Variants in PWWP3A observed in about 807,000 individuals in gnomAD.
PWWP3A encodes the protein PWWP domain-containing DNA repair factor 3A.
Under a neutral mutation model 79.0 loss-of-function variants are expected in PWWP3A, and 53 were observed. The ratio of observed to expected loss-of-function variants is 0.67; its 90% CI spans 0.54 to 0.84. The LOEUF (loss-of-function observed/expected upper bound fraction) is 0.84, where lower values mean the gene tolerates loss of function less well. Among genes scored for constraint, PWWP3A ranks in the 40% least tolerant of loss-of-function variants. The pLI is 0.00. For synonymous variants in PWWP3A, 443 were observed against 394.4 expected, an observed-to-expected ratio of 1.12 and a Z score of -1.46; for missense variants, 973 against 948.0, an observed-to-expected ratio of 1.03 and a Z score of -0.35.
chr19:1,362,028 T>C (rs753292461), intron 5 of PWWP3A: 4 of 381,712 alleles, frequency 1.0e-5, no homozygotes, highest in African/African-American at 4.1e-5. Flanking sequence ...CGCAGGCCTC[T>C]CTCCCTCCCT....
chr19:1,357,078 C>G lies in PWWP3A; in HGVS notation c.127C>G (p.Leu43Val). ...GGAATATTTTCTAGCTGTGCAAATC[C>G]TCTCTCTAGAGGAAAAGTTAAGTGT... ...RKEYFLAVQI[L>V]SLEEKIKVKS... Residue 43 changes from leucine (L) to valine (V), a missense_variant, in exon 3 of 14, where the codon CTC becomes GTC. Leu to Val is a conservative substitution (Grantham distance 32, BLOSUM62 1). Transcript: ENST00000591337. The G allele has an allele frequency of 1.2e-6, 2 of 1,611,546 alleles. No individual in the cohort carries two copies. The highest frequency in any genetic ancestry group is 3.3e-4 in the Middle Eastern group (2 of 6,054).
At chr19:1,373,588 C>T (rs78471482) in intron 13 of PWWP3A, 2,221 of 174,092 alleles carry the variant, frequency 0.013, 41 homozygotes, top group African/African-American at 0.042. Context: ...CTCTCACATC[C>T]GTGTGCTTAG....
Position 1,360,680 on chromosome 19 carries a change from G to A in PWWP3A, c.759G>A (p.Pro253=), listed in dbSNP as rs763423197. 1.2e-5 allele frequency: 19 copies of A among 1,613,304 alleles called. No individual in the cohort carries two copies. The South Asian group carries it at 1.3e-4, about 11-fold the overall frequency. Residue 253 remains proline (P), a synonymous_variant, in exon 5 of 14, where the codon CCG becomes CCA. Coordinates refer to ENST00000591337, the MANE Select transcript of PWWP3A (RefSeq NM_001369789.1). The surrounding 1 kb of genome is among the most constrained non-coding windows in gnomAD (Gnocchi z 4.4). Reference sequence around the variant, plus strand: ...GCAAAGGAGGCAGCTGGGCAGCCCCGTCCTTGCCCTCCGGGGTCAGGGAGG... The same window carrying A: ...GCAAAGGAGGCAGCTGGGCAGCCCCATCCTTGCCCTCCGGGGTCAGGGAGG... ...MGSKGGSWAA[P]SLPSGVREDD... is the part of the protein sequence containing the mutation.
intron 9 of PWWP3A, among the ~76,000 whole-genome samples, chr19:1,367,474 G>C (rs762904764): frequency 2.0e-5 from 3 of 152,204 alleles, no homozygotes; most frequent in Non-Finnish European, 4.4e-5. Context: ...CTGGGGCTCC[G>C]GCGAGGACAG....
At chr19:1,356,488 G>T in intron 2 of PWWP3A, 39 bp downstream of exon 2, 2 of 1,599,810 alleles carry the variant, frequency 1.3e-6, no homozygotes, top group South Asian at 2.2e-5. Flanking sequence ...ACTTAGAAAT[G>T]ACTTTCGGGT....
Position 1,364,593 on chromosome 19 carries a change from C to T in PWWP3A, c.1284+14C>T, listed in dbSNP as rs201308485. 1 of 1,572,498 alleles carries T rather than the reference C, an allele frequency of 6.4e-7. No individual in the cohort carries two copies. Among genetic ancestry groups the T allele is most frequent in the Middle Eastern group, 1.8e-4 (1 of 5,622 alleles). ...TGGCCAGCAGTGGTAAGAACAGCTTCCTCCGTCTTCTCAGATGTAGTTACT... is the reference window on the plus strand; with the variant it reads ...TGGCCAGCAGTGGTAAGAACAGCTTTCTCCGTCTTCTCAGATGTAGTTACT... On this transcript the variant is annotated intron_variant, in intron 7 of 13. Transcript: ENST00000591337.
chr19:1,368,846 C>T lies in PWWP3A; in HGVS notation c.1423-419C>T, dbSNP rs953075449. ...ATGCGTTCAGACCAGCCCAAGCCTT[C>T]GGGTCCCCGGTGCCCACCTGCGTTC... On this transcript the variant is annotated intron_variant, in intron 9 of 13. Coordinates refer to ENST00000591337, the MANE Select transcript of PWWP3A (RefSeq NM_001369789.1). The surrounding 1 kb of genome is among the most constrained non-coding windows in gnomAD (Gnocchi z 4.7). 1.4e-5 allele frequency among the ~76,000 whole-genome samples: 2 copies of T among 145,684 alleles called. No homozygotes were observed. The highest frequency in any genetic ancestry group is 1.5e-5 in the Non-Finnish European group (1 of 66,632).
rs773933247 is a variant in PWWP3A at position 1,370,776 on chromosome 19, G to T, written c.1684G>T (p.Asp562Tyr). 3 of 1,530,708 alleles carry T rather than the reference G, an allele frequency of 2.0e-6. No homozygotes were observed. The highest frequency in any genetic ancestry group is 2.0e-5 in the Admixed American group (1 of 49,214). 94.8% of individuals were successfully genotyped at this position (1,530,708 alleles called of 1,614,324 possible). Residue 562 changes from aspartate (D) to tyrosine (Y), a missense_variant, in exon 12 of 14, where the codon GAC (aspartate) becomes TAC (tyrosine). Asp to Tyr is a radical substitution (Grantham distance 160, BLOSUM62 -3). Transcript: ENST00000591337. ...GCAGCCCTGCCGGAAAATGCTCCCC[G>T]ACCGCTCGCGGGCCGCCCGGGACCG... Reference protein sequence around the residue: ...QRQPCRKMLPDRSRAARDRAN... With the variant: ...QRQPCRKMLPYRSRAARDRAN...
rs1181101525 is a variant in PWWP3A, at chr19:1,355,092, T to C, written c.-113T>C. 3.3e-5 allele frequency: 5 copies of C among 151,898 alleles called. No individual in the cohort carries two copies. Among genetic ancestry groups the C allele is most frequent in the Non-Finnish European group, 7.4e-5 (5 of 67,638 alleles). 9.4% of individuals were successfully genotyped at this position (151,898 alleles called of 1,614,324 possible). ...CGCTGTTGCGGCCGCTGCGGCCTCCTTGCCCGGGCTTGGGGCGCCGCGCTG... is the reference window on the plus strand; with the variant it reads ...CGCTGTTGCGGCCGCTGCGGCCTCCCTGCCCGGGCTTGGGGCGCCGCGCTG... On this transcript the variant is annotated 5_prime_UTR_variant, in exon 1 of 14. Coordinates refer to ENST00000591337, the MANE Select transcript of PWWP3A (RefSeq NM_001369789.1).
At chr19:1,358,523 G>T in intron 4 of PWWP3A, 59 bp downstream of exon 4, 1 of 1,606,816 alleles carries the variant, frequency 6.2e-7, no homozygotes. Context: ...TCATTTGGGA[G>T]AATGTGAAGG....
In PWWP3A at chr19:1,356,147, G is replaced by A; in HGVS notation, c.-69-177G>A. The stretch of plus-strand genomic sequence containing the variant: ...ATGCAGGCGCCTCCCTGGATACCGA[G>A]CCCCGTCGTTTCTGTTTGTCAGTCT... On this transcript the variant is annotated intron_variant, in intron 1 of 13. Transcript: ENST00000591337. 5.4e-6 allele frequency: 3 copies of A among 555,638 alleles called. No individual in the cohort carries two copies. The South Asian group carries it at 6.2e-5, about 11-fold the overall frequency. The allele number at this position is 555,638 out of a possible 1,614,324, so 34.4% of individuals were successfully genotyped here. A position where few individuals can be genotyped will look rare whatever the true frequency, so the allele number is the denominator to read the frequency against.
At chr19:1,361,274 G>A (rs999268526) in intron 5 of PWWP3A, among the ~76,000 whole-genome samples, 1 of 152,228 alleles carries the variant, frequency 6.6e-6, no homozygotes, top group African/African-American at 2.4e-5. Context: ...TTGAGTGAGT[G>A]GGGAGCCCGT....
At position 1,374,315 on chromosome 19, in the gene PWWP3A, C is replaced by T. The variant is rs867679914; in HGVS notation, c.2075+1155C>T. 8.7e-4 allele frequency: 133 copies of T among 152,198 alleles called. 1 individual carries two copies. Among genetic ancestry groups the T allele is most frequent in the African/African-American group, 3.1e-3 (129 of 41,424 alleles). 9.4% of individuals were successfully genotyped at this position (152,198 alleles called of 1,614,324 possible). ...GGTGCTGATGGAGAAGTTACTTGGG[C>T]TGAGCACACAGGCCGTGATTTCATC... is the stretch of plus-strand genomic sequence containing the variant. On this transcript the variant is annotated intron_variant, in intron 13 of 13. Transcript: ENST00000591337.
At chr19:1,364,454 T>C (rs1007819619) in intron 6 of PWWP3A, 55 bp from the exon 7 acceptor site, 22 of 1,368,044 alleles carry the variant, frequency 1.6e-5, no homozygotes, top group Non-Finnish European at 2.0e-5. Flanking sequence ...GTGCTTGATA[T>C]GGATTTGACT....
At chr19:1,374,795 A>G (rs1054905436) in intron 13 of PWWP3A, among the ~76,000 whole-genome samples, 5 of 152,102 alleles carry the variant, frequency 3.3e-5, no homozygotes, top group Admixed American at 3.3e-4. Context: ...TAATCCCAGC[A>G]CTTTGAGAGG....
rs1186181158 is a variant in PWWP3A, at chr19:1,360,302, C to G, written c.381C>G (p.Val127=). The change falls in exon 5 of 14, where the codon GTC becomes GTG. Residue 127 remains valine (V), a synonymous_variant. Transcript: ENST00000591337. This position sits in a 1 kb window ranked among gnomAD's most constrained non-coding sequence, Gnocchi z 4.4. ...TGCGAGGGAAGCCCATGGAGCATGT[C>G]TCCTCGCCCTGTGATTCGAACTCCT... ...RSLRGKPMEH[V]SSPCDSNSSS... The G allele has an allele frequency of 1.2e-6, 2 of 1,613,840 alleles. No homozygotes were observed. The highest frequency in any genetic ancestry group is 2.2e-5 in the East Asian group (1 of 44,884).
intron 3 of PWWP3A, chr19:1,358,133 C>T (rs1002215606): frequency 1.5e-5 from 7 of 456,344 alleles, no homozygotes; most frequent in Non-Finnish European, 2.3e-5. Flanking sequence ...TCATAAAAGT[C>T]ACAATTTGAA....
In PWWP3A at chr19:1,377,395, C is replaced by T. The variant is rs1440741461; in HGVS notation, c.*819C>T. 3 of 152,542 alleles carry T rather than the reference C, an allele frequency of 2.0e-5. No homozygotes were observed. The highest frequency in any genetic ancestry group is 4.4e-5 in the Non-Finnish European group (3 of 68,288). The allele number at this position is 152,542 out of a possible 1,614,324, so 9.4% of individuals were successfully genotyped here. A position where few individuals can be genotyped will look rare whatever the true frequency, so the allele number is the denominator to read the frequency against. On this transcript the variant is annotated 3_prime_UTR_variant, in exon 14 of 14. Coordinates refer to ENST00000591337, the MANE Select transcript of PWWP3A (RefSeq NM_001369789.1). Reference sequence around the variant, plus strand: ...TGGCTATGCTGGGGTCCCAGGGTGGCCGCAGCAGTCAGGGTCACTGTGGGA... The same window carrying T: ...TGGCTATGCTGGGGTCCCAGGGTGGTCGCAGCAGTCAGGGTCACTGTGGGA...
Position 1,371,166 on chromosome 19 carries a change from C to T in PWWP3A, c.1986+88C>T, listed in dbSNP as rs1193368319. The T allele has an allele frequency of 2.4e-5, 34 of 1,444,194 alleles. 2 individuals carry two copies. The South Asian group carries it at 3.6e-4, about 15-fold the overall frequency. The allele number at this position is 1,444,194 out of a possible 1,614,324, so 89.5% of individuals were successfully genotyped here. A position where few individuals can be genotyped will look rare whatever the true frequency, so the allele number is the denominator to read the frequency against. Reference sequence around the variant, plus strand: ...CGCACGAGGAGGCTGCCACGGTCCTCGCCCCTGCTCCCTGGCCGTTCGGCG... The same window carrying T: ...CGCACGAGGAGGCTGCCACGGTCCTTGCCCCTGCTCCCTGGCCGTTCGGCG... On this transcript the variant is annotated intron_variant, in intron 12 of 13. Coordinates refer to ENST00000591337, the MANE Select transcript of PWWP3A (RefSeq NM_001369789.1).
Sources: allele counts gnomAD v4.1 joint callset (sites outside exome capture counted in the v4.1 genomes callset), GRCh38; gene constraint gnomAD v4.1.1; non-coding constraint Gnocchi (gnomAD v3.1); transcripts MANE v1.5; gene names NCBI Gene and HGNC (gene_info 2026-07-23, HGNC 2026-07-21).